The following PTPRS variants were observed in gnomAD, a reference collection of about 807,000 sequenced individuals.
The protein encoded by PTPRS is receptor-type tyrosine-protein phosphatase S.
PTPRS carries 63 observed loss-of-function variants against 215.3 expected under a neutral mutation model. The ratio of observed to expected loss-of-function variants is 0.29; its 90% CI spans 0.24 to 0.36. The LOEUF is 0.36. Among genes scored for constraint, PTPRS ranks in the 10% least tolerant of loss-of-function variants. The pLI, the probability that PTPRS is intolerant of heterozygous loss-of-function variation, is 1.00. For synonymous variants in PTPRS, 1,404 were observed against 1,191.4 expected, an observed-to-expected ratio of 1.18 and a Z score of -3.68; for missense variants, 2,258 against 2,825.8, an observed-to-expected ratio of 0.80 and a Z score of 4.56.
At chr19:5,250,340 C>T (rs899389489) in intron 9 of PTPRS, among the ~76,000 whole-genome samples, 4 of 152,184 alleles carry the variant, frequency 2.6e-5, no homozygotes, top group Non-Finnish European at 5.9e-5. Flanking sequence ...CTGGCAAGGG[C>T]GGGTGACTGA....
At position 5,208,230 on chromosome 19, in the gene PTPRS, A is replaced by G; in HGVS notation, c.5642+7T>C. ...GGCCAAAAGCTGGGACACTCGAGGG[A>G]GCTCACCTGCAGTGGACAGAGATGG... On this transcript the variant is annotated splice_region_variant and intron_variant, in intron 36 of 37. Transcript: ENST00000262963. 1 of 1,586,056 alleles carries G rather than the reference A, an allele frequency of 6.3e-7. No homozygotes were observed. Among genetic ancestry groups the G allele is most frequent in the Non-Finnish European group, 8.6e-7 (1 of 1,163,510 alleles).
intron 9 of PTPRS, among the ~76,000 whole-genome samples, chr19:5,248,607 C>G (rs2044723260): frequency 6.6e-6 from 1 of 152,244 alleles, no homozygotes; most frequent in Non-Finnish European, 1.5e-5. Context: ...CAGCCCGACT[C>G]AAGTCTCTCT....
chr19:5,310,982 C>T (rs571050665), intron 1 of PTPRS, among the ~76,000 whole-genome samples: 14 of 152,160 alleles, frequency 9.2e-5, no homozygotes, highest in Admixed American at 3.3e-4. Flanking sequence ...CTGGTTCAAG[C>T]GATTCCCCTG....
Position 5,237,911 on chromosome 19 carries a change from GC to G in PTPRS, c.1849+1007del, listed in dbSNP as rs1378102122. Among the ~76,000 whole-genome samples the G allele has an allele frequency of 1.3e-5, 2 of 150,294 alleles. No individual in the cohort carries two copies. Among genetic ancestry groups the G allele is most frequent in the Non-Finnish European group, 3.0e-5 (2 of 67,290 alleles). On this transcript the variant is annotated intron_variant, in intron 13 of 37. Coordinates refer to ENST00000262963, the MANE Select transcript of PTPRS (RefSeq NM_002850.4). The surrounding 1 kb of genome is among the most constrained non-coding windows in gnomAD (Gnocchi z 4.2). ...CCCCCCCGATCCCAGCGGCTCAGATGCCCCGGCTGGAGTTGATGTTAACCCT... is the reference window on the plus strand; with the variant it reads ...CCCCCCCGATCCCAGCGGCTCAGATGCCCGGCTGGAGTTGATGTTAACCCT...
chr19:5,212,218 A>T lies in PTPRS; in HGVS notation c.4802T>A (p.Val1601Asp). The change falls in exon 32 of 38, where the codon GTC (valine) becomes GAC (aspartate). Residue 1601 changes from valine to aspartate, a missense_variant. Transcript: ENST00000262963. ...AGVGRTGCFI[V>D]IDAMLERIKP... ...GATCCGCTCAAGCATGGCGTCGATG[A>T]CGATAAAGCAGCCTGTGCGGCCCAC... The T allele has an allele frequency of 6.2e-7, 1 of 1,612,566 alleles. No individual in the cohort carries two copies. The highest frequency in any genetic ancestry group is 8.5e-7 in the Non-Finnish European group (1 of 1,179,158).
chr19:5,215,699 T>G, intron 26 of PTPRS, 104 bp from the exon 27 acceptor site: 2 of 820,740 alleles, frequency 2.4e-6, no homozygotes, highest in Non-Finnish European at 1.9e-6. Flanking sequence ...GGGTGAGCTG[T>G]GGTTAGAAGG....
chr19:5,220,232 C>A (rs1272184428), intron 21 of PTPRS, 28 bp downstream of exon 21: 2 of 1,611,172 alleles, frequency 1.2e-6, no homozygotes, highest in East Asian at 2.2e-5. Flanking sequence ...TGCATCTGGG[C>A]CCTGCGGGTT....
intron 9 of PTPRS, among the ~76,000 whole-genome samples, chr19:5,251,429 C>CTT (rs60058565): frequency 0.029 from 3,992 of 136,682 alleles, 203 homozygotes; most frequent in African/African-American, 0.099. Context: ...GCTCTAGATA[C>CTT]TTTTTTTTTT....
chr19:5,289,621 G>GAGAATA (rs2048646654), intron 1 of PTPRS, among the ~76,000 whole-genome samples: 1 of 152,110 alleles, frequency 6.6e-6, no homozygotes, highest in Non-Finnish European at 1.5e-5. Context: ...CAGCCGCATG[G>GAGAATA]GCCTCCTTGC....
In PTPRS at chr19:5,338,711, G is replaced by A. The variant is rs2050587740; in HGVS notation, c.-95+1953C>T. Among the ~76,000 whole-genome samples, 1 of 151,940 alleles carries A rather than the reference G, an allele frequency of 6.6e-6. No individual in the cohort carries two copies. Among genetic ancestry groups the A allele is most frequent in the Admixed American group, 6.6e-5 (1 of 15,264 alleles). On this transcript the variant is annotated intron_variant, in intron 1 of 37. Coordinates refer to ENST00000262963, the MANE Select transcript of PTPRS (RefSeq NM_002850.4). The surrounding 1 kb of genome is among the most constrained non-coding windows in gnomAD (Gnocchi z 4.2). ...AGGGGGAGGGGGGCACAAAGGAAGG[G>A]ACCCTGGGAGGGGGAGGGGACTTAT...
chr19:5,305,775 T>TTA (rs1568599750), intron 1 of PTPRS, among the ~76,000 whole-genome samples: 2 of 120,310 alleles, frequency 1.7e-5, no homozygotes, highest in Non-Finnish European at 3.7e-5. Flanking sequence ...ATTTTTTTTT[T>TTA]AAAGGCAAAT....
At chr19:5,283,704 A>T (rs1352063038) in intron 2 of PTPRS, among the ~76,000 whole-genome samples, 3 of 152,202 alleles carry the variant, frequency 2.0e-5, no homozygotes, top group African/African-American at 7.2e-5. Flanking sequence ...CAGTGCAGCT[A>T]TACCTGGCTT....
At chr19:5,273,617 G>A in intron 3 of PTPRS, 34 bp from the exon 4 acceptor site, 1 of 1,613,110 alleles carries the variant, frequency 6.2e-7, no homozygotes, top group Non-Finnish European at 8.5e-7. Flanking sequence ...AACAGAGTGA[G>A]GCTGGGGTCC....
chr19:5,290,209 G>A (rs1030627754), intron 1 of PTPRS, among the ~76,000 whole-genome samples: 2 of 152,206 alleles, frequency 1.3e-5, no homozygotes, highest in Non-Finnish European at 2.9e-5. Context: ...CACGGCAGCT[G>A]GTCAGAGGCA....
In PTPRS at chr19:5,244,098, CG is replaced by C; in HGVS notation, c.1372del (p.Arg458AlafsTer28). 6.2e-7 allele frequency: 1 copy of C among 1,609,146 alleles called. No individual in the cohort carries two copies. The highest frequency in any genetic ancestry group is 8.5e-7 in the Non-Finnish European group (1 of 1,179,096). On this transcript the variant is annotated frameshift_variant, in exon 11 of 38. Coordinates refer to ENST00000262963, the MANE Select transcript of PTPRS (RefSeq NM_002850.4). LOFTEE classifies it high-confidence loss of function. The surrounding 1 kb of genome is among the most constrained non-coding windows in gnomAD (Gnocchi z 7.2). The stretch of plus-strand genomic sequence containing the variant: ...CATGGTGTAGTAGACGCGGTAGCCG[CG>C]GATCAGGCCGTTGGGCTCCACCGGC... ...EEPVEPNGLI[R>X]GYRVYYTMEP... is the part of the protein sequence containing the mutation.
intron 1 of PTPRS, 71 bp downstream of exon 1, chr19:5,340,593 G>A (rs2050662244): frequency 6.6e-6 from 1 of 150,750 alleles, no homozygotes. Flanking sequence ...GGCTGCCTCC[G>A]AGACCCCCCT....
At position 5,237,923 on chromosome 19, in the gene PTPRS, G is replaced by A. The variant is rs1185216086; in HGVS notation, c.1849+996C>T. Among the ~76,000 whole-genome samples the A allele has an allele frequency of 6.6e-6, 1 of 152,168 alleles. No homozygotes were observed. Reference sequence around the variant, plus strand: ...CAGCGGCTCAGATGCCCCGGCTGGAGTTGATGTTAACCCTTCGACTGATCC... The same window carrying A: ...CAGCGGCTCAGATGCCCCGGCTGGAATTGATGTTAACCCTTCGACTGATCC... On this transcript the variant is annotated intron_variant, in intron 13 of 37. Transcript: ENST00000262963. This position sits in a 1 kb window ranked among gnomAD's most constrained non-coding sequence, Gnocchi z 4.2.
intron 1 of PTPRS, among the ~76,000 whole-genome samples, chr19:5,337,204 C>A (rs769038503): frequency 4.6e-5 from 7 of 152,202 alleles, no homozygotes; most frequent in Non-Finnish European, 1.0e-4. Flanking sequence ...TGTCAATTAT[C>A]CCCCAAACCC....
intron 8 of PTPRS, 121 bp from the exon 9 acceptor site, chr19:5,256,240 GT>G (rs59925916): frequency 3.8e-4 from 209 of 547,848 alleles, no homozygotes; most frequent in South Asian, 6.2e-4. Context: ...ATAGTTTGTT[GT>G]TTTTTTTTTC....
Sources: gnomAD v4.1 joint callset for allele counts (sites outside exome capture counted in the v4.1 genomes callset) on GRCh38, gnomAD v4.1.1 for gene constraint, Gnocchi (gnomAD v3.1) non-coding constraint, MANE v1.5 for transcripts, NCBI Gene and HGNC (gene_info 2026-07-23, HGNC 2026-07-21) for gene names.